WNT9B: variants seen among roughly 807,000 people sequenced by gnomAD.
WNT9B encodes protein Wnt-9b.
In WNT9B, 12 loss-of-function variants were observed where a neutral mutation model predicts 30.2. The observed-to-expected ratio is 0.40, with a 90% CI of 0.26 to 0.64. The LOEUF (loss-of-function observed/expected upper bound fraction) is 0.64, where lower values mean the gene tolerates loss of function less well. WNT9B is among the 30% of genes least tolerant of loss of function. The pLI is 0.42. For synonymous variants in WNT9B, 218 were observed against 216.9 expected, an observed-to-expected ratio of 1.01 and a Z score of -0.05; for missense variants, 442 against 485.2, an observed-to-expected ratio of 0.91 and a Z score of 0.84.
chr17:46,851,448 C>T (rs2084842897), upstream of WNT9B: 2 of 294,902 alleles, frequency 6.8e-6, no homozygotes, highest in African/African-American at 2.4e-5. This position sits in a 1 kb window ranked among gnomAD's most constrained non-coding sequence, Gnocchi z 4.3. Context: ...CGCGACGGGG[C>T]GGGGCGAGGG....
At chr17:46,863,103 C>T (rs978884631) in intron 1 of WNT9B, among the ~76,000 whole-genome samples, 4 of 83,884 alleles carry the variant, frequency 4.8e-5, no homozygotes, top group African/African-American at 2.0e-4. Flanking sequence ...AGCAATCAGT[C>T]GTGGGCTAGG....
In WNT9B at chr17:46,873,251, G is replaced by A. The variant is rs569488424; in HGVS notation, c.334+478G>A. ...TGTCCCTTTGTTTGTCACATCCATCGATCCATCAGTCCCTCCTTCCCTTCC... is the reference window on the plus strand; with the variant it reads ...TGTCCCTTTGTTTGTCACATCCATCAATCCATCAGTCCCTCCTTCCCTTCC... On this transcript the variant is annotated intron_variant, in intron 2 of 3. Coordinates refer to ENST00000290015, the MANE Select transcript of WNT9B (RefSeq NM_003396.3). 9.5e-4 allele frequency among the ~76,000 whole-genome samples: 145 copies of A among 151,986 alleles called. No individual in the cohort carries two copies. In the Middle Eastern group the frequency reaches 0.014, roughly 14 times the overall value.
rs1347383672 is a variant in WNT9B, at chr17:46,878,768, G to A, written c.*2050G>A. Among the ~76,000 whole-genome samples, 1 of 152,222 alleles carries A rather than the reference G, an allele frequency of 6.6e-6. No individual in the cohort carries two copies. Among genetic ancestry groups the A allele is most frequent in the Non-Finnish European group, 1.5e-5 (1 of 68,032 alleles). ...ACCCTGATCCACCAACATGCCACCT[G>A]CATTCTGACTTCATGGCTGGCAGTG... On this transcript the variant is annotated 3_prime_UTR_variant, in exon 4 of 4. Transcript: ENST00000290015.
downstream of WNT9B, among the ~76,000 whole-genome samples, chr17:46,880,939 C>T (rs958982072): frequency 6.6e-6 from 1 of 152,206 alleles, no homozygotes; most frequent in Non-Finnish European, 1.5e-5. Flanking sequence ...CGGGATGAAG[C>T]CAACCAGGGG....
chr17:46,834,839 C>G (rs1209245394), intron 1 of WNT9B, among the ~76,000 whole-genome samples: 1 of 152,198 alleles, frequency 6.6e-6, no homozygotes, highest in African/African-American at 2.4e-5. Context: ...TTCTGTTTCT[C>G]TAGCTTGTTC....
At chr17:46,840,730 AT>A (rs2084703445) in intron 1 of WNT9B, among the ~76,000 whole-genome samples, 2 of 152,064 alleles carry the variant, frequency 1.3e-5, no homozygotes, top group African/African-American at 4.8e-5. Flanking sequence ...TGTGGTTTTG[AT>A]TTGCATTTCT....
Position 46,878,081 on chromosome 17 carries a change from C to T in WNT9B, c.*1363C>T, listed in dbSNP as rs1215548466. On this transcript the variant is annotated 3_prime_UTR_variant, in exon 4 of 4. Transcript: ENST00000290015. Reference sequence around the variant, plus strand: ...TGGACCAGGCTGGGGGTTCCTGTTGCACATGCCTCTCTTGTTCAGGATGAA... The same window carrying T: ...TGGACCAGGCTGGGGGTTCCTGTTGTACATGCCTCTCTTGTTCAGGATGAA... Among the ~76,000 whole-genome samples, 1 of 152,246 alleles carries T rather than the reference C, an allele frequency of 6.6e-6. No homozygotes were observed. Among genetic ancestry groups the T allele is most frequent in the Admixed American group, 6.5e-5 (1 of 15,290 alleles).
intron 2 of WNT9B, among the ~76,000 whole-genome samples, chr17:46,873,159 G>C (rs1328079264): frequency 6.6e-6 from 1 of 151,668 alleles, no homozygotes; most frequent in Non-Finnish European, 1.5e-5. Context: ...AAGACGTGAG[G>C]ATGGGCGGCA....
At chr17:46,858,796 A>G (rs1435893795) in intron 1 of WNT9B, among the ~76,000 whole-genome samples, 1 of 152,096 alleles carries the variant, frequency 6.6e-6, no homozygotes, top group Non-Finnish European at 1.5e-5. Context: ...CCTCCTGAGT[A>G]GCTGGGGCCA....
chr17:46,836,974 G>A (rs763491221), intron 1 of WNT9B, among the ~76,000 whole-genome samples: 30 of 151,828 alleles, frequency 2.0e-4, no homozygotes, highest in Non-Finnish European at 3.4e-4. Flanking sequence ...ACAGAGTCTC[G>A]CTCTGTCGCC....
chr17:46,847,265 A>G (rs1184339536), upstream of WNT9B, among the ~76,000 whole-genome samples: 2 of 152,090 alleles, frequency 1.3e-5, no homozygotes, highest in Non-Finnish European at 2.9e-5. Context: ...CTTCAGTCCT[A>G]TTTCAGTCTG....
intron 1 of WNT9B, among the ~76,000 whole-genome samples, chr17:46,868,466 C>T (rs1458147578): frequency 6.6e-6 from 1 of 152,024 alleles, no homozygotes. Context: ...CGTGGTGGCA[C>T]GTGCCCATAA....
In WNT9B at chr17:46,851,735, C is replaced by G; in HGVS notation, c.77+20C>G. The stretch of plus-strand genomic sequence containing the variant: ...CTTCGGGTCAGTGCCCGCCGCGCCC[C>G]CCGCCCGCTCCCCGGCCTGCCTGTC... On this transcript the variant is annotated intron_variant, in intron 1 of 3. Transcript: ENST00000290015. The surrounding 1 kb of genome is among the most constrained non-coding windows in gnomAD (Gnocchi z 4.3). 8.0e-7 allele frequency: 1 copy of G among 1,243,402 alleles called. No homozygotes were observed. 77.0% of individuals were successfully genotyped at this position (1,243,402 alleles called of 1,614,324 possible).
At chr17:46,872,909 C>T in intron 2 of WNT9B, 136 bp downstream of exon 2, 1 of 1,108,248 alleles carries the variant, frequency 9.0e-7, no homozygotes, top group Non-Finnish European at 1.2e-6. Context: ...CTAGCACGGT[C>T]CCAAATGAGA....
chr17:46,835,669 C>G (rs1349008527), intron 1 of WNT9B, among the ~76,000 whole-genome samples: 3 of 152,236 alleles, frequency 2.0e-5, no homozygotes, highest in African/African-American at 7.2e-5. Flanking sequence ...CAGCAGTTGC[C>G]AAGATTTGTC....
At chr17:46,854,915 C>T (rs2084914223) in intron 1 of WNT9B, among the ~76,000 whole-genome samples, 1 of 152,174 alleles carries the variant, frequency 6.6e-6, no homozygotes, top group Non-Finnish European at 1.5e-5. Flanking sequence ...TTGCCTGGGC[C>T]TCCTAAAGTG....
intron 1 of WNT9B, among the ~76,000 whole-genome samples, chr17:46,860,426 T>A (rs1027868967): frequency 2.2e-4 from 33 of 152,132 alleles, no homozygotes; most frequent in African/African-American, 7.5e-4. Context: ...AAGGCCCTGT[T>A]ATAGTGTAAG....
chr17:46,834,970 T>C (rs113570960), intron 1 of WNT9B, among the ~76,000 whole-genome samples: 1,557 of 152,040 alleles, frequency 0.01, 26 homozygotes, highest in African/African-American at 0.036. Flanking sequence ...GCCCTCAGTC[T>C]CTCTTCTTCT....
chr17:46,837,152 A>G (rs2084642362), intron 1 of WNT9B, among the ~76,000 whole-genome samples: 1 of 152,180 alleles, frequency 6.6e-6, no homozygotes, highest in African/African-American at 2.4e-5. Flanking sequence ...CATGTTGGCC[A>G]GGCTGGTCTT....
Sources: gnomAD v4.1 joint callset for allele counts (sites outside exome capture counted in the v4.1 genomes callset) on GRCh38, gnomAD v4.1.1 for gene constraint, Gnocchi (gnomAD v3.1) non-coding constraint, MANE v1.5 for transcripts, NCBI Gene and HGNC (gene_info 2026-07-23, HGNC 2026-07-21) for gene names.